NFKBIB: variants seen among roughly 807,000 people sequenced by gnomAD.
NFKBIB encodes NF-kappa-B inhibitor beta.
In NFKBIB, 16 loss-of-function variants were observed where a neutral mutation model predicts 32.1. That is an observed-to-expected ratio of 0.50 (90% CI 0.34 to 0.76). The LOEUF is 0.76. Among genes scored for constraint, NFKBIB ranks in the 30% least tolerant of loss-of-function variants. The pLI, the probability that NFKBIB is intolerant of heterozygous loss-of-function variation, is 0.01. For synonymous variants in NFKBIB, 222 were observed against 219.5 expected (o/e 1.01, Z -0.10); for missense variants, 437 against 514.9 (o/e 0.85, Z 1.46).
At chr19:38,903,246 A>T (rs1974021515) in intron 1 of NFKBIB, among the ~76,000 whole-genome samples, 1 of 152,110 alleles carries the variant, frequency 6.6e-6, no homozygotes, top group Non-Finnish European at 1.5e-5. Flanking sequence ...TTAAAGTGAT[A>T]TTATGCCATT....
Position 38,908,870 on chromosome 19 carries a change from CAA to C in NFKBIB, c.*41_*42del. 1 of 1,610,492 alleles carries C rather than the reference CAA, an allele frequency of 6.2e-7. No homozygotes were observed. Among genetic ancestry groups the C allele is most frequent in the Non-Finnish European group, 8.5e-7 (1 of 1,178,892 alleles). On this transcript the variant is annotated 3_prime_UTR_variant, in exon 6 of 6. Coordinates refer to ENST00000313582, the MANE Select transcript of NFKBIB (RefSeq NM_002503.5). ...TTAATATAATTTCCAGTTTAATAAA[CAA>C]AACCCTAGTTCTGACAACCAGAGAC...
intron 5 of NFKBIB, 61 bp downstream of exon 5, chr19:38,907,720 G>A: frequency 6.7e-7 from 1 of 1,492,560 alleles, no homozygotes; most frequent in Non-Finnish European, 9.0e-7. Context: ...CGGCAGGCAA[G>A]AAGCCCAAGA....
chr19:38,905,387 C>T lies in NFKBIB; in HGVS notation c.471C>T (p.Ala157=), dbSNP rs1469464059. 3 of 1,613,464 alleles carry T rather than the reference C, an allele frequency of 1.9e-6. No homozygotes were observed. The highest frequency in any genetic ancestry group is 2.5e-6 in the Non-Finnish European group (3 of 1,179,900). Residue 157 remains alanine, a synonymous_variant, in exon 3 of 6, where the codon GCC becomes GCT. Coordinates refer to ENST00000313582, the MANE Select transcript of NFKBIB (RefSeq NM_002503.5). The surrounding 1 kb of genome is among the most constrained non-coding windows in gnomAD (Gnocchi z 5.5). The stretch of plus-strand genomic sequence containing the variant: ...CCCGCCCCCGGCGCCCCAGGGAAGC[C>T]CCCGACACCTACCTCGCTCAGGGCC... The part of the protein sequence containing the change: ...LQPRPRRPRE[A]PDTYLAQGPD...
Position 38,905,402 on chromosome 19 carries a change from C to T in NFKBIB, c.486C>T (p.Leu162=), listed in dbSNP as rs371015711. 114 of 1,613,694 alleles carry T rather than the reference C, an allele frequency of 7.1e-5. No homozygotes were observed. Among genetic ancestry groups the T allele is most frequent in the African/African-American group, 5.2e-4 (39 of 74,922 alleles). Residue 162 remains leucine (L), a synonymous_variant, in exon 3 of 6, where the codon CTC becomes CTT. Coordinates refer to ENST00000313582, the MANE Select transcript of NFKBIB (RefSeq NM_002503.5). The surrounding 1 kb of genome is among the most constrained non-coding windows in gnomAD (Gnocchi z 5.5). ...RRPREAPDTY[L]AQGPDRTPDT... is the part of the protein sequence containing the mutation. ...CCAGGGAAGCCCCCGACACCTACCTCGCTCAGGGCCCTGACCGTACTCCCG... is the reference window on the plus strand; with the variant it reads ...CCAGGGAAGCCCCCGACACCTACCTTGCTCAGGGCCCTGACCGTACTCCCG...
chr19:38,900,860 G>A (rs1394184763), intron 1 of NFKBIB, among the ~76,000 whole-genome samples: 1 of 152,188 alleles, frequency 6.6e-6, no homozygotes, highest in Non-Finnish European at 1.5e-5. Context: ...TTAAGCCCTT[G>A]TGGAGCATAC....
At chr19:38,903,760 G>T (rs1191968364) in intron 1 of NFKBIB, among the ~76,000 whole-genome samples, 1 of 151,902 alleles carries the variant, frequency 6.6e-6, no homozygotes, top group Non-Finnish European at 1.5e-5. Context: ...TTAGTCTGGA[G>T]AATTCTGTAT....
intron 3 of NFKBIB, among the ~76,000 whole-genome samples, chr19:38,906,474 T>G (rs1381088248): frequency 2.2e-5 from 3 of 138,260 alleles, no homozygotes; most frequent in African/African-American, 8.2e-5. Flanking sequence ...AGGTTTTTTT[T>G]TTTTTTTTTT....
At chr19:38,907,884 TCAGG>T in intron 5 of NFKBIB, 1 of 1,380,038 alleles carries the variant, frequency 7.2e-7, no homozygotes, top group Non-Finnish European at 9.4e-7. Flanking sequence ...AAGGTAGAAC[TCAGG>T]CAGGGGTGGA....
Position 38,905,015 on chromosome 19 carries a change from G to C in NFKBIB, c.180G>C (p.Thr60=). The change falls in exon 2 of 6, where the codon ACG becomes ACC. Residue 60 remains threonine (T), a splice_region_variant and synonymous_variant. Coordinates refer to ENST00000313582, the MANE Select transcript of NFKBIB (RefSeq NM_002503.5). This position sits in a 1 kb window ranked among gnomAD's most constrained non-coding sequence, Gnocchi z 5.5. ...VFGYVTEDGD[T]ALHLAVIHQH... ...CTCTCACCCCGGTCTTTGTCCCCAG[G>C]GCACTGCACTTGGCTGTGATTCATC... The C allele has an allele frequency of 6.2e-7, 1 of 1,613,956 alleles. No individual in the cohort carries two copies. The highest frequency in any genetic ancestry group is 8.5e-7 in the Non-Finnish European group (1 of 1,179,916).
Position 38,899,989 on chromosome 19 carries a change from C to A in NFKBIB, c.-44C>A. 1.4e-6 allele frequency: 2 copies of A among 1,441,716 alleles called. No individual in the cohort carries two copies. The highest frequency in any genetic ancestry group is 1.8e-6 in the Non-Finnish European group (2 of 1,101,120). 89.3% of individuals were successfully genotyped at this position (1,441,716 alleles called of 1,614,324 possible). A position where few individuals can be genotyped will look rare whatever the true frequency, so the allele number is the denominator to read the frequency against. On this transcript the variant is annotated 5_prime_UTR_variant, in exon 1 of 6. Transcript: ENST00000313582. ...CTCCAGAACTCCCGGCAAAGCCCAG[C>A]TACAGGCGGGCGACTGCGGGGGGCC...
At chr19:38,899,932 G>A (rs996041470), upstream of NFKBIB, 25 of 1,206,488 alleles carry the variant, frequency 2.1e-5, no homozygotes, top group Admixed American at 2.9e-5. Context: ...TGAATCAGGG[G>A]GCGTGGTGGG....
At chr19:38,902,292 G>C (rs1973995205) in intron 1 of NFKBIB, among the ~76,000 whole-genome samples, 1 of 151,586 alleles carries the variant, frequency 6.6e-6, no homozygotes, top group Non-Finnish European at 1.5e-5. Flanking sequence ...CCGTGGTCTT[G>C]ATCTCCTGAC....
chr19:38,906,236 G>C lies in NFKBIB; in HGVS notation c.619+701G>C, dbSNP rs908222924. ...TGCAACCTCCACCTCCCAGGTTCAG[G>C]TGATTCTCCTGCCTCAGCCTCCCGA... On this transcript the variant is annotated intron_variant, in intron 3 of 5. Coordinates refer to ENST00000313582, the MANE Select transcript of NFKBIB (RefSeq NM_002503.5). Among the ~76,000 whole-genome samples the C allele has an allele frequency of 6.0e-5, 9 of 149,680 alleles. No individual in the cohort carries two copies. In the Admixed American group the frequency reaches 6.0e-4, roughly 10 times the overall value.
chr19:38,905,146 C>T lies in NFKBIB; in HGVS notation c.285+26C>T, dbSNP rs766950397. The stretch of plus-strand genomic sequence containing the variant: ...GTGAGCCACGAGGGATGGTGTAGGG[C>T]TTGGGGTCCAGGGTTCCCAGTGTGA... On this transcript the variant is annotated intron_variant, in intron 2 of 5. Coordinates refer to ENST00000313582, the MANE Select transcript of NFKBIB (RefSeq NM_002503.5). This position sits in a 1 kb window ranked among gnomAD's most constrained non-coding sequence, Gnocchi z 5.5. The T allele has an allele frequency of 1.9e-6, 3 of 1,613,232 alleles. No homozygotes were observed. Among genetic ancestry groups the T allele is most frequent in the Admixed American group, 3.3e-5 (2 of 59,928 alleles).
Position 38,908,053 on chromosome 19 carries a change from G to A in NFKBIB, c.969+394G>A, listed in dbSNP as rs962157687. The A allele has an allele frequency of 7.5e-6, 8 of 1,073,396 alleles. No individual in the cohort carries two copies. In the African/African-American group the frequency reaches 9.9e-5, roughly 13 times the overall value. The allele number at this position is 1,073,396 out of a possible 1,614,324, so 66.5% of individuals were successfully genotyped here. A position where few individuals can be genotyped will look rare whatever the true frequency, so the allele number is the denominator to read the frequency against. ...CACCGGCAGTGCTGGGGCAGGACCC[G>A]AGCCAGCGGTGGGGAGAGATATAGT... On this transcript the variant is annotated intron_variant, in intron 5 of 5. Transcript: ENST00000313582.
chr19:38,899,979 C>G lies in NFKBIB; in HGVS notation c.-54C>G. 1.4e-6 allele frequency: 2 copies of G among 1,432,960 alleles called. No individual in the cohort carries two copies. Among genetic ancestry groups the G allele is most frequent in the Non-Finnish European group, 1.8e-6 (2 of 1,094,628 alleles). The allele number at this position is 1,432,960 out of a possible 1,614,324, so 88.8% of individuals were successfully genotyped here. On this transcript the variant is annotated 5_prime_UTR_variant, in exon 1 of 6. Transcript: ENST00000313582. ...AGGGCGGAAGCTCCAGAACTCCCGG[C>G]AAAGCCCAGCTACAGGCGGGCGACT...
chr19:38,907,330 A>G (rs755313937), intron 4 of NFKBIB, 21 bp downstream of exon 4: 3 of 1,608,132 alleles, frequency 1.9e-6, no homozygotes, highest in South Asian at 1.1e-5. Context: ...ACCTCGGGGA[A>G]GATGCCGTCG....
At position 38,905,055 on chromosome 19, in the gene NFKBIB, C is replaced by G. The variant is rs763720626; in HGVS notation, c.220C>G (p.Leu74Val). 3 of 1,614,126 alleles carry G rather than the reference C, an allele frequency of 1.9e-6. No individual in the cohort carries two copies. The highest frequency in any genetic ancestry group is 2.5e-6 in the Non-Finnish European group (3 of 1,180,010). The change falls in exon 2 of 6, where the codon CTG (leucine) becomes GTG (valine). Residue 74 changes from leucine to valine, a missense_variant. By Grantham distance (32) the Leu-to-Val change is conservative (BLOSUM62 1). Transcript: ENST00000313582. This position sits in a 1 kb window ranked among gnomAD's most constrained non-coding sequence, Gnocchi z 5.5. ...TGTGATTCATCAGCATGAACCCTTCCTGGATTTTCTTCTAGGCTTCTCGGC... is the reference window on the plus strand; with the variant it reads ...TGTGATTCATCAGCATGAACCCTTCGTGGATTTTCTTCTAGGCTTCTCGGC... ...LAVIHQHEPF[L>V]DFLLGFSAGT...
chr19:38,904,321 T>G (rs1002415039), intron 1 of NFKBIB, among the ~76,000 whole-genome samples: 2 of 152,150 alleles, frequency 1.3e-5, no homozygotes, highest in Non-Finnish European at 2.9e-5. Context: ...GTGGGAACAC[T>G]CACTATTCCT....
Sources: gnomAD v4.1 joint callset for allele counts (sites outside exome capture counted in the v4.1 genomes callset) on GRCh38, gnomAD v4.1.1 for gene constraint, Gnocchi (gnomAD v3.1) non-coding constraint, MANE v1.5 for transcripts, NCBI Gene and HGNC (gene_info 2026-07-23, HGNC 2026-07-21) for gene names.